The following SYN3 variants were observed in gnomAD, a reference collection of about 807,000 sequenced individuals.
SYN3 encodes synapsin-3.
A neutral mutation model predicts 65.8 loss-of-function variants in SYN3; 35 were observed. That is an observed-to-expected ratio of 0.53 (90% CI 0.41 to 0.70). SYN3 has a LOEUF of 0.70. SYN3 is among the 30% of genes least tolerant of loss of function. The probability of loss-of-function intolerance (pLI) is 0.00; values close to 1 mark genes in which losing one functional copy is unlikely to be tolerated. For missense variants in SYN3, 680 were observed against 749.0 expected (o/e 0.91, Z 1.08); for synonymous variants, 270 against 292.9 (o/e 0.92, Z 0.80).
At chr22:33,006,295 T>C in intron 2 of SYN3, 57 bp downstream of exon 2, 1 of 1,510,166 alleles carries the variant, frequency 6.6e-7, no homozygotes, top group Non-Finnish European at 8.9e-7. Context: ...GGAGATGAGA[T>C]AATCCCCACT....
At chr22:32,838,293 A>G (rs912885538) in intron 6 of SYN3, among the ~76,000 whole-genome samples, 2 of 152,116 alleles carry the variant, frequency 1.3e-5, no homozygotes, top group African/African-American at 4.8e-5. Context: ...AATAAACACT[A>G]TGGCAGAGAG....
intron 6 of SYN3, among the ~76,000 whole-genome samples, chr22:32,758,042 T>C (rs560275557): frequency 6.6e-6 from 1 of 152,380 alleles, no homozygotes; most frequent in Admixed American, 6.5e-5. Context: ...TGTTTGTGCA[T>C]TTATACACTT....
Position 32,508,134 on chromosome 22 carries a change from A to G in SYN3, c.*5558T>C, listed in dbSNP as rs921497611. Among the ~76,000 whole-genome samples the G allele has an allele frequency of 3.9e-5, 6 of 152,180 alleles. No homozygotes were observed. The highest frequency in any genetic ancestry group is 2.0e-4 in the Admixed American group (3 of 15,286). ...CTGTGACTTGCGCGTATACGCCCAG[A>G]TGGCCTGAAGTAACTGAAGAATCAC... On this transcript the variant is annotated 3_prime_UTR_variant, in exon 14 of 14. Coordinates refer to ENST00000358763, the MANE Select transcript of SYN3 (RefSeq NM_003490.4).
At chr22:32,914,689 G>A (rs1174783104) in intron 4 of SYN3, among the ~76,000 whole-genome samples, 2 of 151,990 alleles carry the variant, frequency 1.3e-5, no homozygotes, top group Admixed American at 6.6e-5. Context: ...TGATCCGCCC[G>A]CCTCGGCCTC....
At chr22:32,522,803 T>C (rs916028574) in intron 12 of SYN3, among the ~76,000 whole-genome samples, 1 of 152,156 alleles carries the variant, frequency 6.6e-6, no homozygotes, top group Non-Finnish European at 1.5e-5. Context: ...TGTTATTTCC[T>C]CCTTTACACT....
chr22:32,832,673 GTATTTTATTTTATTT>G (rs564439917), intron 6 of SYN3, among the ~76,000 whole-genome samples: 1 of 151,458 alleles, frequency 6.6e-6, no homozygotes, highest in African/African-American at 2.4e-5. Flanking sequence ...AAACCCTCGA[GTATTTTATTTTATTT>G]TATTTTATTT....
At chr22:32,777,444 C>T (rs1445781362) in intron 6 of SYN3, among the ~76,000 whole-genome samples, 1 of 152,064 alleles carries the variant, frequency 6.6e-6, no homozygotes, top group African/African-American at 2.4e-5. Context: ...AAAGTCCTGA[C>T]TCGGTGCAAT....
chr22:32,562,243 C>T (rs768447798), intron 7 of SYN3, among the ~76,000 whole-genome samples: 10 of 152,172 alleles, frequency 6.6e-5, no homozygotes, highest in Non-Finnish European at 1.0e-4. Context: ...TAAAAGTTGC[C>T]GAAACGTCTC....
chr22:32,990,998 AC>A (rs1285929853), intron 2 of SYN3, among the ~76,000 whole-genome samples: 1 of 152,152 alleles, frequency 6.6e-6, no homozygotes, highest in East Asian at 1.9e-4. Context: ...ATCCTGGCCA[AC>A]ATAGTGAAAC....
At chr22:32,597,788 G>C (rs80211486) in intron 6 of SYN3, among the ~76,000 whole-genome samples, 3 of 152,080 alleles carry the variant, frequency 2.0e-5, no homozygotes, top group Admixed American at 2.0e-4. Flanking sequence ...GAAGGTGCTC[G>C]ATACTGAATC....
intron 12 of SYN3, among the ~76,000 whole-genome samples, chr22:32,523,660 T>C (rs950834406): frequency 1.3e-5 from 2 of 152,192 alleles, no homozygotes. Context: ...ATATTGAAAT[T>C]GGACCAGTTA....
intron 6 of SYN3, among the ~76,000 whole-genome samples, chr22:32,630,277 C>T (rs2059729855): frequency 1.3e-5 from 2 of 152,112 alleles, no homozygotes; most frequent in Admixed American, 6.5e-5. Context: ...CCACCACACC[C>T]GGCCGTATGT....
At chr22:32,944,368 T>A (rs1207236235) in intron 3 of SYN3, among the ~76,000 whole-genome samples, 1 of 152,176 alleles carries the variant, frequency 6.6e-6, no homozygotes, top group Non-Finnish European at 1.5e-5. Flanking sequence ...GCTTCATCCC[T>A]GGTTGCAAGG....
rs952460309 is a variant in SYN3, at chr22:32,941,449, A to T, written c.370-9968T>A. 3.3e-5 allele frequency among the ~76,000 whole-genome samples: 5 copies of T among 152,200 alleles called. 1 individual carries two copies. The highest frequency in any genetic ancestry group is 1.2e-4 in the African/African-American group (5 of 41,464). On this transcript the variant is annotated intron_variant, in intron 3 of 13. Coordinates refer to ENST00000358763, the MANE Select transcript of SYN3 (RefSeq NM_003490.4). ...ATTTGTTGCTAGCCAGTGCATTTTT[A>T]AAAATTTCTTTCCCGGGCCGGTTCC... is the stretch of plus-strand genomic sequence containing the variant.
intron 6 of SYN3, among the ~76,000 whole-genome samples, chr22:32,626,132 G>C (rs2059662929): frequency 6.6e-6 from 1 of 152,182 alleles, no homozygotes; most frequent in Non-Finnish European, 1.5e-5. Flanking sequence ...AGTAGGCAGA[G>C]GGAATGGCTT....
intron 2 of SYN3, among the ~76,000 whole-genome samples, chr22:32,984,443 T>C (rs1319252017): frequency 1.3e-5 from 2 of 152,200 alleles, no homozygotes; most frequent in Non-Finnish European, 2.9e-5. Flanking sequence ...CCAGACCACG[T>C]GGCCAAGCTT....
chr22:33,025,911 T>C (rs2053634937), intron 1 of SYN3, among the ~76,000 whole-genome samples: 1 of 152,148 alleles, frequency 6.6e-6, no homozygotes, highest in Non-Finnish European at 1.5e-5. Flanking sequence ...GCCTTGATAG[T>C]GACCAGTTTT....
intron 6 of SYN3, among the ~76,000 whole-genome samples, chr22:32,608,621 C>T (rs991753706): frequency 3.2e-4 from 49 of 152,330 alleles, no homozygotes; most frequent in African/African-American, 1.2e-3. Flanking sequence ...ACTATTTGTG[C>T]AGTGCCATGA....
chr22:32,948,208 A>G (rs938912754), intron 3 of SYN3, among the ~76,000 whole-genome samples: 1 of 152,158 alleles, frequency 6.6e-6, no homozygotes, highest in Non-Finnish European at 1.5e-5. Flanking sequence ...GATACTGTAG[A>G]ATCCTCTCCT....
Sources: allele counts gnomAD v4.1 joint callset (sites outside exome capture counted in the v4.1 genomes callset), GRCh38; gene constraint gnomAD v4.1.1; transcripts MANE v1.5; gene names NCBI Gene and HGNC (gene_info 2026-07-23, HGNC 2026-07-21).